The following TET3 variants were observed in gnomAD, a reference collection of about 807,000 sequenced individuals.
TET3 encodes methylcytosine dioxygenase TET3.
A neutral mutation model predicts 141.4 loss-of-function variants in TET3; 19 were observed. The ratio of observed to expected loss-of-function variants is 0.13; its 90% CI spans 0.09 to 0.20. The LOEUF (loss-of-function observed/expected upper bound fraction) is 0.20, where lower values mean the gene tolerates loss of function less well. Among genes scored for constraint, TET3 ranks in the 10% least tolerant of loss-of-function variants. TET3 has a pLI of 1.00. For missense variants in TET3, 1,874 were observed against 2,356.9 expected (o/e 0.80, Z 4.24); for synonymous variants, 1,043 against 980.9 (o/e 1.06, Z -1.18).
intron 4 of TET3, among the ~76,000 whole-genome samples, chr2:74,051,154 G>A (rs1390398042): frequency 2.0e-5 from 3 of 152,196 alleles, no homozygotes; most frequent in Non-Finnish European, 2.9e-5. Context: ...AAGCTTGCAG[G>A]ATGGGATGTT....
rs187488428 is a variant in TET3, at chr2:74,025,153, G to A, written c.361-21125G>A. ...GCAGGAGAATGGCGTGAACCCGGGA[G>A]GCGGAGCTTGCAGTGAGCCGAGATT... On this transcript the variant is annotated intron_variant, in intron 3 of 11. Transcript: ENST00000409262. 5.5e-3 allele frequency among the ~76,000 whole-genome samples: 828 copies of A among 149,760 alleles called. 6 individuals are homozygous for A. The highest frequency in any genetic ancestry group is 0.02 in the African/African-American group (797 of 40,660).
Position 74,048,100 on chromosome 2 carries a change from C to T in TET3, c.2183C>T (p.Pro728Leu), listed in dbSNP as rs572425839. The stretch of plus-strand genomic sequence containing the variant: ...GATAGCTTTGGGCTTCCCGGCCCCC[C>T]TTCTGTGCCCATTCAGGACCCCGAG... ...FGDSFGLPGP[P>L]SVPIQDPENQ... Residue 728 changes from proline (P) to leucine (L), a missense_variant, in exon 4 of 12, where the codon CCT (proline) becomes CTT (leucine). Coordinates refer to ENST00000409262, the MANE Select transcript of TET3 (RefSeq NM_001287491.2). 9.9e-6 allele frequency: 16 copies of T among 1,613,640 alleles called. No individual in the cohort carries two copies. The highest frequency in any genetic ancestry group is 1.3e-5 in the Non-Finnish European group (15 of 1,179,724).
rs978988446 is a variant in TET3, at chr2:74,105,402, G to C, written c.*3226G>C. The C allele has an allele frequency of 5.0e-6, 2 of 398,400 alleles. No homozygotes were observed. The allele number at this position is 398,400 out of a possible 1,614,324, so 24.7% of individuals were successfully genotyped here. A position where few individuals can be genotyped will look rare whatever the true frequency, so the allele number is the denominator to read the frequency against. ...AGATTTTTAAAATAAAAATCGCTTC[G>C]CAGCAGGTTCTCACAAAATAACTGG... On this transcript the variant is annotated 3_prime_UTR_variant, in exon 12 of 12. Coordinates refer to ENST00000409262, the MANE Select transcript of TET3 (RefSeq NM_001287491.2).
chr2:74,068,489 T>A (rs1689030184), intron 4 of TET3, among the ~76,000 whole-genome samples: 1 of 152,250 alleles, frequency 6.6e-6, no homozygotes, highest in Admixed American at 6.5e-5. Context: ...TGTAATGCAT[T>A]TAACTAGTCC....
downstream of TET3, among the ~76,000 whole-genome samples, chr2:74,110,535 G>A (rs904410267): frequency 6.6e-6 from 1 of 152,040 alleles, no homozygotes; most frequent in Middle Eastern, 3.4e-3. Context: ...AAACATGTTC[G>A]ACACACATAA....
chr2:73,987,746 G>C (rs1684114093), intron 2 of TET3, among the ~76,000 whole-genome samples: 2 of 152,196 alleles, frequency 1.3e-5, no homozygotes, highest in South Asian at 2.1e-4. Flanking sequence ...CTTTTCCTTG[G>C]GGGAAGTGGA....
the TET3 span, among the ~76,000 whole-genome samples, chr2:74,128,632 AT>A: frequency 6.6e-6 from 1 of 151,986 alleles, no homozygotes; most frequent in Non-Finnish European, 1.5e-5. Flanking sequence ...TATCTTCAAA[AT>A]TTTTCTGTAA....
chr2:74,086,530 G>A (rs1471174806), intron 6 of TET3, among the ~76,000 whole-genome samples: 3 of 152,114 alleles, frequency 2.0e-5, no homozygotes, highest in Non-Finnish European at 4.4e-5. Flanking sequence ...GCTCATGTCT[G>A]TAATCCCAGC....
chr2:74,030,343 TC>T (rs1383033452), intron 3 of TET3, among the ~76,000 whole-genome samples: 8 of 152,368 alleles, frequency 5.3e-5, no homozygotes, highest in Admixed American at 3.3e-4. Flanking sequence ...CTGCTATTCT[TC>T]CTATTTCATC....
chr2:74,102,223 T>C lies in TET3; in HGVS notation c.*47T>C. The C allele has an allele frequency of 7.2e-7, 1 of 1,394,316 alleles. No homozygotes were observed. The highest frequency in any genetic ancestry group is 1.9e-5 in the South Asian group (1 of 52,120). The allele number at this position is 1,394,316 out of a possible 1,614,324, so 86.4% of individuals were successfully genotyped here. ...TCAGCGTCGGGCCTGGCCCGAGCTG[T>C]CTCTGTGGTGCTTTTGCCCTCATAC... On this transcript the variant is annotated 3_prime_UTR_variant, in exon 12 of 12. Transcript: ENST00000409262.
intron 2 of TET3, among the ~76,000 whole-genome samples, chr2:73,991,805 CA>C (rs772400180): frequency 0.31 from 24,342 of 79,348 alleles, 1,773 homozygotes; most frequent in South Asian, 0.41. Context: ...AACTCTGTCT[CA>C]AAAAAAAAAA....
chr2:74,046,176 A>C lies in TET3; in HGVS notation c.361-102A>C, dbSNP rs1687606240. Reference sequence around the variant, plus strand: ...GTACCAGAGAGAGGATTTGCAAGAAAAGTTGGGGTCAGATGTGCACCTGAG... The same window carrying C: ...GTACCAGAGAGAGGATTTGCAAGAACAGTTGGGGTCAGATGTGCACCTGAG... On this transcript the variant is annotated intron_variant, in intron 3 of 11. Coordinates refer to ENST00000409262, the MANE Select transcript of TET3 (RefSeq NM_001287491.2). The surrounding 1 kb of genome is among the most constrained non-coding windows in gnomAD (Gnocchi z 4.3). 2 of 1,070,620 alleles carry C rather than the reference A, an allele frequency of 1.9e-6. No individual in the cohort carries two copies. The highest frequency in any genetic ancestry group is 2.5e-6 in the Non-Finnish European group (2 of 799,298). 66.3% of individuals were successfully genotyped at this position (1,070,620 alleles called of 1,614,324 possible).
At chr2:74,081,659 A>G (rs1211753194) in intron 6 of TET3, among the ~76,000 whole-genome samples, 1 of 152,178 alleles carries the variant, frequency 6.6e-6, no homozygotes, top group Non-Finnish European at 1.5e-5. Flanking sequence ...GAGGCGGGTA[A>G]GATAACCCCT....
At chr2:74,008,259 T>A (rs1685245181) in intron 3 of TET3, among the ~76,000 whole-genome samples, 1 of 152,190 alleles carries the variant, frequency 6.6e-6, no homozygotes. Context: ...CCCAAAAGAT[T>A]TACTTGCATC....
chr2:74,078,276 G>A (rs918653577), intron 5 of TET3, among the ~76,000 whole-genome samples: 2 of 152,056 alleles, frequency 1.3e-5, no homozygotes, highest in Admixed American at 6.5e-5. Flanking sequence ...TCTAAAGAAC[G>A]AATAAAGCGC....
intron 3 of TET3, among the ~76,000 whole-genome samples, chr2:74,032,216 A>C (rs1416246258): frequency 6.6e-6 from 1 of 152,110 alleles, no homozygotes; most frequent in Non-Finnish European, 1.5e-5. Context: ...GCCTTTAGTG[A>C]AGGACTGGCT....
chr2:73,994,264 G>C (rs1684469557), intron 2 of TET3, among the ~76,000 whole-genome samples: 1 of 152,164 alleles, frequency 6.6e-6, no homozygotes. Context: ...AAGGAAGCAG[G>C]GCTGTTCAGC....
intron 2 of TET3, among the ~76,000 whole-genome samples, chr2:73,987,769 G>A (rs1037865007): frequency 1.3e-5 from 2 of 152,212 alleles, no homozygotes; most frequent in Non-Finnish European, 2.9e-5. Context: ...AGTTGTACTT[G>A]ATGGCTTTCA....
chr2:74,013,672 C>G (rs1157210697), intron 3 of TET3, among the ~76,000 whole-genome samples: 2 of 151,898 alleles, frequency 1.3e-5, no homozygotes, highest in African/African-American at 4.8e-5. Context: ...ATTAGCCGGG[C>G]GTGGTGGCGG....
Sources: gnomAD v4.1 joint callset for allele counts (sites outside exome capture counted in the v4.1 genomes callset) on GRCh38, gnomAD v4.1.1 for gene constraint, Gnocchi (gnomAD v3.1) non-coding constraint, MANE v1.5 for transcripts, NCBI Gene and HGNC (gene_info 2026-07-23, HGNC 2026-07-21) for gene names.